Variants in TRPC4AP observed in about 807,000 individuals in gnomAD.
TRPC4AP encodes short transient receptor potential channel 4-associated protein.
A neutral mutation model predicts 99.0 loss-of-function variants in TRPC4AP; 45 were observed. That is an observed-to-expected ratio of 0.45 (90% confidence interval 0.36 to 0.58). TRPC4AP has a LOEUF of 0.58. TRPC4AP is among the 20% of genes least tolerant of loss of function. TRPC4AP has a pLI of 0.00. For missense variants in TRPC4AP, 879 were observed against 985.3 expected (o/e 0.89, Z 1.44); for synonymous variants, 408 against 385.8 (o/e 1.06, Z -0.67).
At chr20:35,086,563 GTGTGTGTGTGTGTATATA>G (rs2084884906) in intron 1 of TRPC4AP, among the ~76,000 whole-genome samples, 2 of 99,548 alleles carry the variant, frequency 2.0e-5, no homozygotes, top group South Asian at 3.3e-4. Context: ...GTGTGTGTGT[GTGTGTGTGTGTGTATATA>G]TATATGAATA....
At chr20:35,054,861 C>A in intron 5 of TRPC4AP, 115 bp downstream of exon 5, 1 of 884,720 alleles carries the variant, frequency 1.1e-6, no homozygotes, top group South Asian at 1.7e-5. Flanking sequence ...AAGCCCGATT[C>A]CCCCACTGTC....
At chr20:35,089,197 T>C (rs967936948) in intron 1 of TRPC4AP, among the ~76,000 whole-genome samples, 2 of 151,782 alleles carry the variant, frequency 1.3e-5, no homozygotes, top group African/African-American at 2.4e-5. Context: ...ATGGTTAAGA[T>C]GGTAAATTTT....
intron 6 of TRPC4AP, among the ~76,000 whole-genome samples, chr20:35,045,298 A>G (rs1272200243): frequency 6.6e-6 from 1 of 152,040 alleles, no homozygotes; most frequent in Admixed American, 6.6e-5. Flanking sequence ...TTTTCATCCA[A>G]CATTTTGAAG....
At position 35,003,622 on chromosome 20, in the gene TRPC4AP, A is replaced by G; in HGVS notation, c.2050-6T>C. On this transcript the variant is annotated splice_region_variant and splice_polypyrimidine_tract_variant and intron_variant, in intron 17 of 18. Coordinates refer to ENST00000252015, the MANE Select transcript of TRPC4AP (RefSeq NM_015638.3). The stretch of plus-strand genomic sequence containing the variant: ...TTGAGGCAGCTGACGTTCTCCTGCA[A>G]GGCCACAGGCCCACAGGGTCAGGGG... The G allele has an allele frequency of 1.2e-6, 2 of 1,612,136 alleles. No homozygotes were observed. The highest frequency in any genetic ancestry group is 1.7e-6 in the Non-Finnish European group (2 of 1,179,408).
intron 7 of TRPC4AP, 73 bp downstream of exon 7, chr20:35,044,432 G>GA (rs1365531966): frequency 4.1e-5 from 49 of 1,204,860 alleles, no homozygotes; most frequent in East Asian, 7.7e-5. Context: ...AAAAGAAAAA[G>GA]AAAAAAAACT....
chr20:35,021,066 C>T (rs951324611), intron 9 of TRPC4AP, 124 bp downstream of exon 9: 16 of 1,037,612 alleles, frequency 1.5e-5, no homozygotes, highest in African/African-American at 1.3e-4. Context: ...GAGAAATACC[C>T]CTATGCTTTG....
At chr20:35,017,343 G>A (rs1347171483) in intron 9 of TRPC4AP, among the ~76,000 whole-genome samples, 1 of 152,152 alleles carries the variant, frequency 6.6e-6, no homozygotes, top group Non-Finnish European at 1.5e-5. Flanking sequence ...CTAATAACTG[G>A]TAAAATTAGC....
chr20:35,051,647 G>C (rs894722011), intron 5 of TRPC4AP, among the ~76,000 whole-genome samples: 1 of 147,162 alleles, frequency 6.8e-6, no homozygotes, highest in Non-Finnish European at 1.5e-5. Context: ...TGTTATTCCC[G>C]AACTACATAC....
chr20:35,026,599 G>C (rs1177394522), intron 8 of TRPC4AP, among the ~76,000 whole-genome samples: 1 of 152,154 alleles, frequency 6.6e-6, no homozygotes, highest in African/African-American at 2.4e-5. Context: ...GTGCAAAGTA[G>C]TCAGCTGAGA....
chr20:35,085,924 C>G (rs923038973), intron 1 of TRPC4AP, among the ~76,000 whole-genome samples: 5 of 152,052 alleles, frequency 3.3e-5, no homozygotes, highest in Admixed American at 3.3e-4. Context: ...TTTCTTTAAT[C>G]CTAAATGTAA....
intron 1 of TRPC4AP, among the ~76,000 whole-genome samples, chr20:35,086,541 G>GTATATA (rs1569158081): frequency 5.1e-5 from 1 of 19,520 alleles, no homozygotes; most frequent in African/African-American, 1.8e-4. Context: ...GTGTGTGTGT[G>GTATATA]TGTGTGTGTG....
intron 7 of TRPC4AP, among the ~76,000 whole-genome samples, chr20:35,041,803 C>T (rs1298892185): frequency 6.6e-6 from 1 of 152,204 alleles, no homozygotes; most frequent in East Asian, 1.9e-4. Flanking sequence ...CAATACAGAA[C>T]CTTTCTAGCC....
At chr20:35,032,331 T>G (rs1414975746) in intron 8 of TRPC4AP, among the ~76,000 whole-genome samples, 1 of 151,986 alleles carries the variant, frequency 6.6e-6, no homozygotes, top group Admixed American at 6.6e-5. Flanking sequence ...GGCCTGATTA[T>G]TATACTACTC....
At chr20:35,008,813 T>C (rs1340043606) in intron 12 of TRPC4AP, 66 bp from the exon 13 acceptor site, 23 of 1,439,778 alleles carry the variant, frequency 1.6e-5, no homozygotes, top group Admixed American at 1.2e-4. Flanking sequence ...GGATGGGTCA[T>C]TCTGCTGGCT....
chr20:35,012,945 G>A, intron 11 of TRPC4AP, 63 bp downstream of exon 11: 1 of 1,556,840 alleles, frequency 6.4e-7, no homozygotes, highest in Non-Finnish European at 8.9e-7. Context: ...GACCAGACAA[G>A]GAGATCGAGG....
rs767116131 is a variant in TRPC4AP, at chr20:35,004,519, G to T, written c.1988C>A (p.Pro663His). 1 of 1,614,124 alleles carries T rather than the reference G, an allele frequency of 6.2e-7. No homozygotes were observed. The part of the protein sequence containing the change: ...CRLLAYISQV[P>H]TQMSFLFRLI... Reference sequence around the variant, plus strand: ...GCGGAAGAGGAAGGACATCTGCGTGGGCACCTGGGATATGTAGGCGAGCAG... The same window carrying T: ...GCGGAAGAGGAAGGACATCTGCGTGTGCACCTGGGATATGTAGGCGAGCAG... The change falls in exon 17 of 19, where the codon CCC becomes CAC. Residue 663 changes from proline to histidine, a missense_variant. Pro to His is a moderately conservative substitution (Grantham distance 77). This residue lies in a region of TRPC4AP where 224 missense variants were observed against 264.7 expected (regional missense o/e 0.85). Transcript: ENST00000252015.
chr20:35,005,946 T>G, intron 15 of TRPC4AP, 143 bp from the exon 16 acceptor site: 3 of 680,954 alleles, frequency 4.4e-6, no homozygotes, highest in Non-Finnish European at 7.4e-6. Flanking sequence ...TCAGATAAGC[T>G]GAGGGACCTC....
rs374282031 is a variant in TRPC4AP at position 35,006,350 on chromosome 20, C to T, written c.1827+85G>A. ...TCCCCCGTCGTCTCTAACGTAAAAC[C>T]TGTGCCTAAAGCCTGGCAGACCAGG... On this transcript the variant is annotated intron_variant, in intron 15 of 18. Transcript: ENST00000252015. 7.8e-6 allele frequency: 12 copies of T among 1,532,478 alleles called. 1 individual carries two copies. The highest frequency in any genetic ancestry group is 5.5e-5 in the African/African-American group (4 of 73,132). 94.9% of individuals were successfully genotyped at this position (1,532,478 alleles called of 1,614,324 possible). A position where few individuals can be genotyped will look rare whatever the true frequency, so the allele number is the denominator to read the frequency against.
chr20:35,006,620 C>T (rs993961681), intron 14 of TRPC4AP, 45 bp from the exon 15 acceptor site: 1 of 1,599,318 alleles, frequency 6.3e-7, no homozygotes, highest in Non-Finnish European at 8.5e-7. Flanking sequence ...TGGCTGCCCC[C>T]ACCAGGGCCT....
Sources: allele counts gnomAD v4.1 joint callset (sites outside exome capture counted in the v4.1 genomes callset), GRCh38; gene constraint gnomAD v4.1.1; regional missense constraint gnomAD v4.1.1; transcripts MANE v1.5; gene names NCBI Gene and HGNC (gene_info 2026-07-23, HGNC 2026-07-21).